Variants in ABCC2 observed in about 807,000 individuals in gnomAD.
ABCC2 encodes the protein ATP binding cassette subfamily C member 2, also known as ATP-binding cassette sub-family C member 2.
In ABCC2, 157 loss-of-function variants were observed where a neutral mutation model predicts 173.4. The ratio of observed to expected loss-of-function variants is 0.91; its 90% CI spans 0.80 to 1.03. ABCC2 has a LOEUF of 1.03. Among genes scored for constraint, ABCC2 ranks in the 50% least tolerant of loss-of-function variants. ABCC2 has a pLI of 0.00. For synonymous variants in ABCC2, 657 were observed against 693.5 expected, an observed-to-expected ratio of 0.95 and a Z score of 0.83; for missense variants, 1,822 against 1,852.3, an observed-to-expected ratio of 0.98 and a Z score of 0.30.
At position 99,844,436 on chromosome 10, in the gene ABCC2, A is replaced by T; in HGVS notation, c.3958A>T (p.Ile1320Phe). Reference protein sequence around the residue: ...RPELDLVLRGITCDIGSMEKI... With the variant: ...RPELDLVLRGFTCDIGSMEKI... Reference sequence around the variant, plus strand: ...TGAGCTGGATCTGGTCCTCAGAGGGATCACTTGTGACATCGGTAGCATGGA... The same window carrying T: ...TGAGCTGGATCTGGTCCTCAGAGGGTTCACTTGTGACATCGGTAGCATGGA... The change falls in exon 28 of 32, where the codon ATC becomes TTC. Residue 1320 changes from isoleucine to phenylalanine, a missense_variant. Transcript: ENST00000647814. 3 of 1,614,110 alleles carry T rather than the reference A, an allele frequency of 1.9e-6. No individual in the cohort carries two copies. Among genetic ancestry groups the T allele is most frequent in the Non-Finnish European group, 2.5e-6 (3 of 1,180,046 alleles).
At chr10:99,837,001 T>C (rs2038834130) in intron 25 of ABCC2, among the ~76,000 whole-genome samples, 1 of 152,270 alleles carries the variant, frequency 6.6e-6, no homozygotes, top group Non-Finnish European at 1.5e-5. Context: ...TTTTATTTCT[T>C]AGAGACTTTC....
At chr10:99,793,429 G>A (rs569808750) in intron 3 of ABCC2, 122 bp from the exon 4 acceptor site, 3 of 1,426,702 alleles carry the variant, frequency 2.1e-6, no homozygotes, top group Admixed American at 3.4e-5. Context: ...TACCTGGCCA[G>A]ATTAGTCACG....
Position 99,850,676 on chromosome 10 carries a change from C to T in ABCC2, c.4388C>T (p.Ala1463Val), listed in dbSNP as rs1257517385. The T allele has an allele frequency of 1.9e-6, 3 of 1,614,098 alleles. No individual in the cohort carries two copies. Among genetic ancestry groups the T allele is most frequent in the African/African-American group, 2.7e-5 (2 of 74,934 alleles). Residue 1463 changes from alanine to valine, a missense_variant, in exon 31 of 32, where the codon GCC becomes GTC. By Grantham distance (64) the Ala-to-Val change is moderately conservative. Transcript: ENST00000647814. Reference sequence around the variant, plus strand: ...TCCAAGATCCTGGTCCTGGATGAGGCCACTGCTGCGGTGGATCTAGAGACA... The same window carrying T: ...TCCAAGATCCTGGTCCTGGATGAGGTCACTGCTGCGGTGGATCTAGAGACA... ...RKSKILVLDE[A>V]TAAVDLETDN... is the part of the protein sequence containing the mutation.
Position 99,819,260 on chromosome 10 carries a change from G to A in ABCC2, c.2611G>A (p.Glu871Lys). 6.2e-7 allele frequency: 1 copy of A among 1,613,574 alleles called. No homozygotes were observed. The highest frequency in any genetic ancestry group is 8.5e-7 in the Non-Finnish European group (1 of 1,179,984). Residue 871 changes from glutamate to lysine, a missense_variant, in exon 19 of 32, where the codon GAA becomes AAA. By Grantham distance (56) the Glu-to-Lys change is moderately conservative (BLOSUM62 1). Transcript: ENST00000647814. ...TCTAAGACATACAGGCCCTGAAGAG[G>A]AAGCCACAGGTATGTAAGAAGGATT... ...TFLRHTGPEE[E>K]ATVHDGSEEE...
rs144390464 is a variant in ABCC2, at chr10:99,800,463, C to T, written c.1109C>T (p.Ala370Val). The change falls in exon 9 of 32, where the codon GCG (alanine) becomes GTG (valine). Residue 370 changes from alanine to valine, a missense_variant. Transcript: ENST00000647814. ...CTCTGTGCAATCCTCTTATTCACTG[C>T]GGCTCTCATTCAGTCTTTCTGCCTT... ...GYLCAILLFTAALIQSFCLQC... is the reference protein window; with the variant it reads ...GYLCAILLFTVALIQSFCLQC... 1.7e-5 allele frequency: 27 copies of T among 1,614,010 alleles called. No individual in the cohort carries two copies. Among genetic ancestry groups the T allele is most frequent in the African/African-American group, 4.0e-5 (3 of 74,902 alleles).
At position 99,799,346 on chromosome 10, in the gene ABCC2, C is replaced by T. The variant is rs149854486; in HGVS notation, c.1007C>T (p.Thr336Met). The T allele has an allele frequency of 4.7e-4, 751 of 1,614,172 alleles. No homozygotes were observed. The highest frequency in any genetic ancestry group is 5.4e-4 in the Non-Finnish European group (635 of 1,180,030). ...FLLKLVNDIF[T>M]FVSPQLLKLL... ...CTGAAGCTAGTGAATGACATCTTCA[C>T]GTTTGTGAGTCCTCAGCTGCTGAAG... The change falls in exon 8 of 32, where the codon ACG becomes ATG. Residue 336 changes from threonine to methionine, a missense_variant. Coordinates refer to ENST00000647814, the MANE Select transcript of ABCC2 (RefSeq NM_000392.5).
chr10:99,802,926 G>A (rs955200239), intron 9 of ABCC2, among the ~76,000 whole-genome samples: 1 of 152,180 alleles, frequency 6.6e-6, no homozygotes, highest in South Asian at 2.1e-4. Flanking sequence ...CAGGCATCTA[G>A]ATAGTGCCTG....
intron 9 of ABCC2, among the ~76,000 whole-genome samples, chr10:99,803,640 A>G (rs2038047838): frequency 6.6e-6 from 1 of 152,230 alleles, no homozygotes; most frequent in Non-Finnish European, 1.5e-5. Flanking sequence ...GTTCATTGTG[A>G]TGAATGTAAT....
Position 99,817,597 on chromosome 10 carries a change from T to C in ABCC2, c.2271+113T>C, listed in dbSNP as rs981127512. 2.6e-6 allele frequency: 3 copies of C among 1,165,866 alleles called. No homozygotes were observed. The African/African-American group carries it at 4.5e-5, about 18-fold the overall frequency. 72.2% of individuals were successfully genotyped at this position (1,165,866 alleles called of 1,614,324 possible). A position where few individuals can be genotyped will look rare whatever the true frequency, so the allele number is the denominator to read the frequency against. ...TCTAGTTGATTAATTTAGGTAGTCA[T>C]ATTTGGAATAAACACCAGAAATCAT... is the stretch of plus-strand genomic sequence containing the variant. On this transcript the variant is annotated intron_variant, in intron 17 of 31. Transcript: ENST00000647814.
Position 99,832,108 on chromosome 10 carries a change from C to T in ABCC2, c.3235C>T (p.Arg1079Trp), listed in dbSNP as rs757051605. 2.5e-5 allele frequency: 41 copies of T among 1,614,026 alleles called. No individual in the cohort carries two copies. The highest frequency in any genetic ancestry group is 2.7e-5 in the Non-Finnish European group (32 of 1,180,022). Residue 1079 changes from arginine to tryptophan, a missense_variant, in exon 23 of 32, where the codon CGG becomes TGG. By Grantham distance (101) the Arg-to-Trp change is moderately radical. Transcript: ENST00000647814. ...MRFFDTTPTGRIVNRFAGDIS... is the reference protein window; with the variant it reads ...MRFFDTTPTGWIVNRFAGDIS... Reference sequence around the variant, plus strand: ...ATTTTTTGACACAACACCCACAGGCCGGATTGTGAACAGGTTTGCCGGCGT... The same window carrying T: ...ATTTTTTGACACAACACCCACAGGCTGGATTGTGAACAGGTTTGCCGGCGT...
intron 30 of ABCC2, among the ~76,000 whole-genome samples, chr10:99,849,924 A>G (rs2039066033): frequency 6.6e-6 from 1 of 152,242 alleles, no homozygotes. Flanking sequence ...TCCAGCCTTC[A>G]TTACAGGCTT....
intron 19 of ABCC2, among the ~76,000 whole-genome samples, chr10:99,819,754 C>T (rs1247674526): frequency 6.6e-6 from 1 of 152,218 alleles, no homozygotes; most frequent in Non-Finnish European, 1.5e-5. Context: ...ATACCAAAAC[C>T]ACTGGGTGTT....
At chr10:99,837,019 G>C (rs1260403061) in intron 25 of ABCC2, among the ~76,000 whole-genome samples, 1 of 152,226 alleles carries the variant, frequency 6.6e-6, no homozygotes, top group African/African-American at 2.4e-5. Context: ...TTCTAAGAAG[G>C]AAAAGGCATA....
chr10:99,820,491 G>A (rs2038514645), intron 19 of ABCC2, among the ~76,000 whole-genome samples: 1 of 152,172 alleles, frequency 6.6e-6, no homozygotes, highest in Non-Finnish European at 1.5e-5. Flanking sequence ...GGATGTGGTG[G>A]TTCACACCTG....
Position 99,830,448 on chromosome 10 carries a change from C to A in ABCC2, c.2747+15C>A, listed in dbSNP as rs2038719163. On this transcript the variant is annotated intron_variant, in intron 20 of 31. Transcript: ENST00000647814. ...CTTAGCCGCAGGTTGGCTATCTATT[C>A]AGCTGGCAGCCCTCGTCAGCTCTAT... 2 of 1,614,176 alleles carry A rather than the reference C, an allele frequency of 1.2e-6. No homozygotes were observed. The highest frequency in any genetic ancestry group is 1.7e-6 in the Non-Finnish European group (2 of 1,180,026).
intron 9 of ABCC2, among the ~76,000 whole-genome samples, chr10:99,803,232 G>A (rs2038042068): frequency 6.6e-6 from 1 of 152,234 alleles, no homozygotes; most frequent in African/African-American, 2.4e-5. Flanking sequence ...TCCTTCCAAA[G>A]TGCTAGGATT....
intron 16 of ABCC2, among the ~76,000 whole-genome samples, chr10:99,814,592 T>TATACACACACATATGTGTATATACAC (rs2038343187): frequency 2.2e-5 from 2 of 90,870 alleles, no homozygotes; most frequent in Non-Finnish European, 2.3e-5. Flanking sequence ...TATATACACA[T>TATACACACACATATGTGTATATACAC]ATACACACAC....
chr10:99,848,647 TTGTGTGC>T (rs2039050336), intron 30 of ABCC2, among the ~76,000 whole-genome samples: 1 of 152,328 alleles, frequency 6.6e-6, no homozygotes, highest in African/African-American at 2.4e-5. Flanking sequence ...CCCAGGTGAT[TTGTGTGC>T]ACATTACACT....
intron 2 of ABCC2, among the ~76,000 whole-genome samples, chr10:99,787,093 G>A (rs527315318): frequency 7.2e-5 from 11 of 151,802 alleles, no homozygotes; most frequent in Admixed American, 1.3e-4. Flanking sequence ...ACTTGAACCC[G>A]GGAGGTGGAG....
Sources: allele counts gnomAD v4.1 joint callset (sites outside exome capture counted in the v4.1 genomes callset), GRCh38; gene constraint gnomAD v4.1.1; transcripts MANE v1.5; gene names NCBI Gene and HGNC (gene_info 2026-07-23, HGNC 2026-07-21).